Variants in ROBO2 observed in about 807,000 individuals in gnomAD.
The protein encoded by ROBO2 is roundabout guidance receptor 2.
ROBO2 carries 53 observed loss-of-function variants against 160.8 expected under a neutral mutation model. The ratio of observed to expected loss-of-function variants is 0.33; its 90% CI spans 0.26 to 0.41. The LOEUF (loss-of-function observed/expected upper bound fraction) is 0.41. Among genes scored for constraint, ROBO2 ranks in the 10% least tolerant of loss-of-function variants. The pLI, the probability that ROBO2 is intolerant of heterozygous loss-of-function variation, is 1.00. For synonymous variants in ROBO2, 664 were observed against 611.7 expected, an observed-to-expected ratio of 1.09 and a Z score of -1.26; for missense variants, 1,577 against 1,722.4, an observed-to-expected ratio of 0.92 and a Z score of 1.49.
intron 2 of ROBO2, among the ~76,000 whole-genome samples, chr3:76,427,693 T>C (rs1344104574): frequency 1.3e-5 from 2 of 152,216 alleles, no homozygotes; most frequent in Admixed American, 1.3e-4. Flanking sequence ...TTGCTTACTA[T>C]GAATTAGGAT....
intron 2 of ROBO2, among the ~76,000 whole-genome samples, chr3:76,207,075 A>C (rs1232074690): frequency 6.6e-6 from 1 of 152,194 alleles, no homozygotes; most frequent in Non-Finnish European, 1.5e-5. Flanking sequence ...TTAGCTCACA[A>C]ACTCTATCAG....
intron 2 of ROBO2, among the ~76,000 whole-genome samples, chr3:76,004,546 A>G (rs1025075522): frequency 6.6e-6 from 1 of 152,178 alleles, no homozygotes; most frequent in Non-Finnish European, 1.5e-5. Flanking sequence ...GTGCCTGGTA[A>G]TGACTCACTT....
intron 2 of ROBO2, among the ~76,000 whole-genome samples, chr3:77,281,101 G>A (rs186209333): frequency 1.3e-5 from 2 of 152,288 alleles, no homozygotes; most frequent in African/African-American, 2.4e-5. Context: ...AAGGCCTTAT[G>A]AGCCACGCTT....
chr3:76,699,774 G>A (rs770228968), intron 2 of ROBO2, among the ~76,000 whole-genome samples: 5 of 152,040 alleles, frequency 3.3e-5, no homozygotes, highest in African/African-American at 4.8e-5. Flanking sequence ...TGTGCTGCTC[G>A]TTCTCTGTAA....
intron 2 of ROBO2, among the ~76,000 whole-genome samples, chr3:76,666,016 T>TAA (rs1314573674): frequency 8.2e-6 from 1 of 122,136 alleles, no homozygotes; most frequent in Non-Finnish European, 1.8e-5. Flanking sequence ...TATATACATA[T>TAA]TATATATTAT....
intron 2 of ROBO2, among the ~76,000 whole-genome samples, chr3:76,122,353 T>C (rs2070785460): frequency 6.6e-6 from 1 of 152,108 alleles, no homozygotes; most frequent in Non-Finnish European, 1.5e-5. Flanking sequence ...TCTAGAAAAA[T>C]ATTTTGGGTT....
chr3:77,364,642 C>T (rs548334814), intron 2 of ROBO2, among the ~76,000 whole-genome samples: 7 of 151,050 alleles, frequency 4.6e-5, no homozygotes, highest in African/African-American at 1.4e-4. Context: ...TTTCTCTAAG[C>T]TCAACTGACT....
intron 2 of ROBO2, among the ~76,000 whole-genome samples, chr3:76,165,159 C>T (rs200380516): frequency 9.9e-5 from 15 of 152,220 alleles, no homozygotes; most frequent in East Asian, 9.7e-4. Context: ...TCTTCCAGTA[C>T]GAGGCTGTTT....
chr3:77,446,309 TTTC>T (rs1370945800), intron 2 of ROBO2, among the ~76,000 whole-genome samples: 2 of 152,026 alleles, frequency 1.3e-5, no homozygotes, highest in African/African-American at 4.8e-5. Context: ...TTATATGCTC[TTTC>T]TTACTTCTCT....
chr3:76,520,150 C>T (rs558544803), intron 2 of ROBO2, among the ~76,000 whole-genome samples: 10 of 152,234 alleles, frequency 6.6e-5, no homozygotes, highest in East Asian at 3.9e-4. Context: ...TGGTCCTCAT[C>T]GCATCAGAAG....
rs147986780 is a variant in ROBO2, at chr3:76,156,360, C to T, written c.109+218758C>T. 2.4e-3 allele frequency among the ~76,000 whole-genome samples: 372 copies of T among 152,264 alleles called. 1 individual carries two copies. Among genetic ancestry groups the T allele is most frequent in the African/African-American group, 7.7e-3 (319 of 41,556 alleles). On this transcript the variant is annotated intron_variant, in intron 2 of 26. Coordinates refer to the ROBO2 transcript ENST00000487694. Reference sequence around the variant, plus strand: ...CTACACATTAAAGTTATTTATCAGACTGCAAAAGAAGCCATATAGTACAAA... The same window carrying T: ...CTACACATTAAAGTTATTTATCAGATTGCAAAAGAAGCCATATAGTACAAA...
intron 2 of ROBO2, among the ~76,000 whole-genome samples, chr3:76,383,353 C>T (rs922659027): frequency 6.6e-6 from 1 of 152,006 alleles, no homozygotes; most frequent in East Asian, 1.9e-4. Context: ...ACTCCAGCTT[C>T]CAGATGAGAT....
intron 2 of ROBO2, among the ~76,000 whole-genome samples, chr3:76,011,604 T>C (rs1043378038): frequency 6.6e-6 from 1 of 151,974 alleles, no homozygotes; most frequent in Non-Finnish European, 1.5e-5. Context: ...CTCTCTGCAA[T>C]GGACACAGAA....
intron 2 of ROBO2, among the ~76,000 whole-genome samples, chr3:76,305,272 T>C (rs2071278957): frequency 2.0e-5 from 3 of 151,444 alleles, no homozygotes; most frequent in Non-Finnish European, 4.4e-5. Flanking sequence ...GTTCCTGTAG[T>C]CCCAGCTACT....
At chr3:75,924,979 C>T (rs1274193751) in intron 1 of ROBO2, among the ~76,000 whole-genome samples, 2 of 151,868 alleles carry the variant, frequency 1.3e-5, no homozygotes, top group East Asian at 1.9e-4. Context: ...TGAGCCACCG[C>T]GCCGGCCGGG....
At chr3:77,312,062 G>A (rs1007449310) in intron 2 of ROBO2, among the ~76,000 whole-genome samples, 11 of 151,768 alleles carry the variant, frequency 7.2e-5, no homozygotes, top group African/African-American at 2.7e-4. Flanking sequence ...CTCCAGCCTC[G>A]GCGACACAGC....
chr3:76,105,838 C>CA (rs924854357), intron 2 of ROBO2, among the ~76,000 whole-genome samples: 75 of 148,572 alleles, frequency 5.0e-4, no homozygotes, highest in Non-Finnish European at 7.9e-4. Flanking sequence ...TTTCAGCAAC[C>CA]AAAAAAAAAG....
At chr3:76,521,949 G>A (rs927475171) in intron 2 of ROBO2, among the ~76,000 whole-genome samples, 4 of 152,070 alleles carry the variant, frequency 2.6e-5, no homozygotes, top group Admixed American at 2.6e-4. Flanking sequence ...TCTATATGTG[G>A]CTTGAAGTTA....
At chr3:77,032,200 AG>A in intron 2 of ROBO2, among the ~76,000 whole-genome samples, 1 of 152,292 alleles carries the variant, frequency 6.6e-6, no homozygotes, top group South Asian at 2.1e-4. Context: ...TTCTTAGAGA[AG>A]TGACAATGAA....
Sources: allele counts gnomAD v4.1 joint callset (sites outside exome capture counted in the v4.1 genomes callset), GRCh38; gene constraint gnomAD v4.1.1; transcripts MANE v1.5; gene names NCBI Gene and HGNC (gene_info 2026-07-23, HGNC 2026-07-21).